FMN1: variants seen among roughly 807,000 people sequenced by gnomAD.
The protein encoded by FMN1 is formin-1.
Under a neutral mutation model 132.4 loss-of-function variants are expected in FMN1, and 110 were observed. That is an observed-to-expected ratio of 0.83 (90% CI 0.71 to 0.97). The LOEUF is 0.97. Ranked by LOEUF, FMN1 falls within the 50% of genes least tolerant of loss-of-function variation. FMN1 has a pLI of 0.00. For synonymous variants in FMN1, 722 were observed against 651.7 expected, an observed-to-expected ratio of 1.11 and a Z score of -1.64; for missense variants, 1,792 against 1,705.3, an observed-to-expected ratio of 1.05 and a Z score of -0.90.
At position 32,876,440 on chromosome 15, in the gene FMN1, T is replaced by C. The variant is rs1489198042; in HGVS notation, c.3835+11732A>G. Among the ~76,000 whole-genome samples, 4 of 152,176 alleles carry C rather than the reference T, an allele frequency of 2.6e-5. No individual in the cohort carries two copies. The East Asian group carries it at 7.7e-4, about 29-fold the overall frequency. On this transcript the variant is annotated intron_variant, in intron 16 of 20. Transcript: ENST00000616417. ...AAGGGGACAAAAATGGAAAAACCAGTGAAATCCATATAAAAACTAGCATTC... is the reference window on the plus strand; with the variant it reads ...AAGGGGACAAAAATGGAAAAACCAGCGAAATCCATATAAAAACTAGCATTC...
intron 6 of FMN1, among the ~76,000 whole-genome samples, chr15:33,042,048 A>G (rs1294633048): frequency 6.6e-6 from 1 of 152,118 alleles, no homozygotes. Context: ...AAAAAATCCA[A>G]TGCTCTCCAT....
intron 9 of FMN1, among the ~76,000 whole-genome samples, chr15:32,931,526 G>A (rs1050684575): frequency 6.6e-5 from 10 of 152,032 alleles, no homozygotes; most frequent in African/African-American, 1.7e-4. Context: ...AGAACACAAC[G>A]AATTTTTGTT....
At chr15:33,043,618 A>AT (rs1466252671) in intron 6 of FMN1, among the ~76,000 whole-genome samples, 2 of 152,212 alleles carry the variant, frequency 1.3e-5, no homozygotes, top group Non-Finnish European at 2.9e-5. Flanking sequence ...CAGAAGTGGG[A>AT]TAAAAAGTGG....
At chr15:33,117,001 A>G (rs146199971) in intron 4 of FMN1, among the ~76,000 whole-genome samples, 2,409 of 152,282 alleles carry the variant, frequency 0.016, 36 homozygotes, top group Non-Finnish European at 0.025. Context: ...TACCACAACC[A>G]ATTAAGTGTG....
At chr15:33,132,857 T>G (rs1480346289) in intron 4 of FMN1, among the ~76,000 whole-genome samples, 1 of 152,074 alleles carries the variant, frequency 6.6e-6, no homozygotes, top group East Asian at 1.9e-4. Flanking sequence ...TCAAGATGTC[T>G]CCACAATAAT....
chr15:33,155,706 T>C (rs181302253), intron 3 of FMN1, among the ~76,000 whole-genome samples: 4 of 152,350 alleles, frequency 2.6e-5, no homozygotes, highest in Admixed American at 2.6e-4. Flanking sequence ...CTTTTTTCCT[T>C]CCTGTTGTCT....
At chr15:32,777,798 GTATAA>G (rs201528995) in intron 19 of FMN1, among the ~76,000 whole-genome samples, 1,689 of 88,042 alleles carry the variant, frequency 0.019, 131 homozygotes, top group African/African-American at 0.029. Context: ...TATATATTAT[GTATAA>G]TATAATACAT....
At chr15:32,984,190 GA>G (rs1407546024) in intron 7 of FMN1, among the ~76,000 whole-genome samples, 1 of 152,090 alleles carries the variant, frequency 6.6e-6, no homozygotes, top group African/African-American at 2.4e-5. Flanking sequence ...CCAGCTTGAA[GA>G]TTTTTTTTTA....
intron 6 of FMN1, among the ~76,000 whole-genome samples, chr15:33,020,621 A>G (rs960610634): frequency 3.5e-5 from 5 of 143,634 alleles, no homozygotes; most frequent in South Asian, 2.3e-4. Flanking sequence ...CTGGGAGACA[A>G]GAGCGAAACT....
chr15:32,959,079 G>T (rs1008499369), intron 9 of FMN1, among the ~76,000 whole-genome samples: 1 of 149,790 alleles, frequency 6.7e-6, no homozygotes, highest in African/African-American at 2.5e-5. Context: ...TCATATTCAC[G>T]TTTCAATGCT....
rs184657382 is a variant in FMN1, at chr15:32,811,695, C to T, written c.3929-7363G>A. On this transcript the variant is annotated intron_variant, in intron 17 of 20. Coordinates refer to ENST00000616417, the MANE Select transcript of FMN1 (RefSeq NM_001277313.2). ...TTTTTTTTTTTTTGAGACGGAGTCT[C>T]GCTCTGTCACTCAGGCTGGAGTGCA... is the stretch of plus-strand genomic sequence containing the variant. 1.2e-4 allele frequency among the ~76,000 whole-genome samples: 18 copies of T among 150,092 alleles called. No homozygotes were observed. The East Asian group carries it at 1.8e-3, about 15-fold the overall frequency.
At position 33,078,015 on chromosome 15, in the gene FMN1, T is replaced by C. The variant is rs115287698; in HGVS notation, c.2043+10784A>G. Among the ~76,000 whole-genome samples the C allele has an allele frequency of 5.7e-3, 867 of 151,896 alleles. 11 individuals are homozygous for C. Among genetic ancestry groups the C allele is most frequent in the African/African-American group, 0.02 (839 of 41,298 alleles). ...AGGTGCTGGAGAGGATGTGGAGAAA[T>C]AGGAACACCAATTCTTAAACAGAGA... On this transcript the variant is annotated intron_variant, in intron 5 of 20. Coordinates refer to ENST00000616417, the MANE Select transcript of FMN1 (RefSeq NM_001277313.2).
intron 9 of FMN1, among the ~76,000 whole-genome samples, chr15:32,944,777 G>GTGA (rs1567440465): frequency 6.6e-6 from 1 of 152,032 alleles, no homozygotes; most frequent in East Asian, 1.9e-4. Context: ...GTGTGGGGGT[G>GTGA]TGATGGGTTG....
chr15:32,808,163 C>G (rs1459415835), intron 17 of FMN1, among the ~76,000 whole-genome samples: 1 of 152,238 alleles, frequency 6.6e-6, no homozygotes, highest in Non-Finnish European at 1.5e-5. Flanking sequence ...AATTGCTCCA[C>G]AAGAACAATT....
chr15:32,941,224 C>T (rs1338092122), intron 9 of FMN1, among the ~76,000 whole-genome samples: 1 of 152,124 alleles, frequency 6.6e-6, no homozygotes, highest in Non-Finnish European at 1.5e-5. Flanking sequence ...GTGGCTACTA[C>T]AGGCTGTTCA....
At chr15:33,029,143 T>TC (rs1164714155) in intron 6 of FMN1, among the ~76,000 whole-genome samples, 1 of 152,050 alleles carries the variant, frequency 6.6e-6, no homozygotes, top group Non-Finnish European at 1.5e-5. Flanking sequence ...CTAACCCCCT[T>TC]CCTCAAAATA....
chr15:32,813,627 A>G (rs968917655), intron 17 of FMN1, among the ~76,000 whole-genome samples: 1 of 152,174 alleles, frequency 6.6e-6, no homozygotes, highest in Non-Finnish European at 1.5e-5. Flanking sequence ...GAAGTCCCTC[A>G]ATGCTGCACA....
intron 5 of FMN1, among the ~76,000 whole-genome samples, chr15:33,075,110 C>A (rs1206197284): frequency 6.7e-6 from 1 of 149,608 alleles, no homozygotes; most frequent in East Asian, 2.0e-4. Context: ...TACCCTGGGG[C>A]AAGTTATATA....
intron 19 of FMN1, among the ~76,000 whole-genome samples, chr15:32,785,137 TGTGTGTGTGTGTGTGTATACGTAC>T (rs1567162418): frequency 3.8e-5 from 5 of 131,208 alleles, no homozygotes; most frequent in African/African-American, 1.4e-4. Context: ...ATGCTAGGGG[TGTGTGTGTGTGTGTGTATACGTAC>T]GTGTGTGTGT....
Sources: allele counts gnomAD v4.1 joint callset (sites outside exome capture counted in the v4.1 genomes callset), GRCh38; gene constraint gnomAD v4.1.1; transcripts MANE v1.5; gene names NCBI Gene and HGNC (gene_info 2026-07-23, HGNC 2026-07-21).